SNRNP70: variants seen among roughly 807,000 people sequenced by gnomAD.
SNRNP70 encodes U1 small nuclear ribonucleoprotein 70 kDa.
In SNRNP70, 8 loss-of-function variants were observed where a neutral mutation model predicts 50.5. That is an observed-to-expected ratio of 0.16 (90% CI 0.09 to 0.29). The LOEUF (loss-of-function observed/expected upper bound fraction) is 0.29. Ranked by LOEUF, SNRNP70 falls within the 10% of genes least tolerant of loss-of-function variation. The pLI, the probability that SNRNP70 is intolerant of heterozygous loss-of-function variation, is 1.00. For synonymous variants in SNRNP70, 320 were observed against 252.9 expected (o/e 1.27, Z -2.52); for missense variants, 529 against 663.5 (o/e 0.80, Z 2.23).
intron 6 of SNRNP70, among the ~76,000 whole-genome samples, chr19:49,100,529 A>T (rs1475866635): frequency 1.3e-5 from 2 of 152,106 alleles, no homozygotes; most frequent in African/African-American, 4.8e-5. Flanking sequence ...GTCCTTGGCC[A>T]GGCACAGTGG....
Position 49,108,296 on chromosome 19 carries a change from G to C in SNRNP70, c.1167G>C (p.Arg389Ser), listed in dbSNP as rs754209229. 1.3e-6 allele frequency: 2 copies of C among 1,578,784 alleles called. No individual in the cohort carries two copies. The highest frequency in any genetic ancestry group is 1.7e-6 in the Non-Finnish European group (2 of 1,163,592). Residue 389 changes from arginine (R) to serine (S), a missense_variant, in exon 10 of 10, where the codon AGG (arginine) becomes AGC (serine). Physicochemically the swap from Arg to Ser is moderately radical, Grantham distance 110. Coordinates refer to ENST00000598441, the MANE Select transcript of SNRNP70 (RefSeq NM_003089.6). ...GGGAGCGGGGCAGTGAGCGGGGCAG[G>C]GATGAGGCCCGAGGTGGGGGCGGTG... ...KRGERGSERGRDEARGGGGGQ... is the reference protein window; with the variant it reads ...KRGERGSERGSDEARGGGGGQ...
At position 49,090,085 on chromosome 19, in the gene SNRNP70, A is replaced by G. The variant is rs557736504; in HGVS notation, c.148-206A>G. On this transcript the variant is annotated intron_variant, in intron 2 of 9. Transcript: ENST00000598441. ...GTCATCATCCCAAAGTGCTGCGATT[A>G]CAAGTGGAAGCCACTGTGCGTGGCT... 6.6e-5 allele frequency among the ~76,000 whole-genome samples: 10 copies of G among 151,914 alleles called. No homozygotes were observed. The South Asian group carries it at 1.9e-3, about 28-fold the overall frequency.
Position 49,098,495 on chromosome 19 carries a change from A to G in SNRNP70, c.330+4A>G. The G allele has an allele frequency of 1.2e-6, 2 of 1,613,556 alleles. No homozygotes were observed. The highest frequency in any genetic ancestry group is 2.2e-5 in the South Asian group (2 of 91,026). On this transcript the variant is annotated splice_donor_region_variant and intron_variant, in intron 5 of 9. Coordinates refer to ENST00000598441, the MANE Select transcript of SNRNP70 (RefSeq NM_003089.6). ...GACTCTCTTCGTGGCGAGAGTGGTA[A>G]GTCCCCAGCTCCTAGCTCCTGGAAC...
chr19:49,106,176 AC>A (rs1475401176), intron 8 of SNRNP70, among the ~76,000 whole-genome samples: 3 of 151,494 alleles, frequency 2.0e-5, no homozygotes. Flanking sequence ...TTCTTACCTT[AC>A]TCTGGTCTCT....
chr19:49,095,018 AGGGCGCTGCACGCATACGCTGGCTGTG>A (rs1333751123), intron 4 of SNRNP70, among the ~76,000 whole-genome samples: 2 of 152,266 alleles, frequency 1.3e-5, no homozygotes, highest in Non-Finnish European at 2.9e-5. Context: ...AGCTGCCGTC[AGGGCGCTGCACGCATACGCTGGCTGTG>A]GGGCGCTGCC....
intron 2 of SNRNP70, among the ~76,000 whole-genome samples, chr19:49,088,039 G>A (rs1359209243): frequency 6.6e-6 from 1 of 151,388 alleles, no homozygotes; most frequent in African/African-American, 2.4e-5. Flanking sequence ...TTACAGGCAT[G>A]CACCACCACG....
At chr19:49,090,873 G>T (rs2040439039) in intron 4 of SNRNP70, among the ~76,000 whole-genome samples, 1 of 152,088 alleles carries the variant, frequency 6.6e-6, no homozygotes. Flanking sequence ...CAACCCTTGG[G>T]CTGAGGATGT....
chr19:49,099,675 G>T (rs1038113922), intron 6 of SNRNP70, among the ~76,000 whole-genome samples: 1 of 150,478 alleles, frequency 6.6e-6, no homozygotes, highest in Non-Finnish European at 1.5e-5. Flanking sequence ...GGAGGCGGAG[G>T]TTGCAGTGAG....
chr19:49,106,117 T>G (rs1302246469), intron 8 of SNRNP70, among the ~76,000 whole-genome samples: 1 of 152,132 alleles, frequency 6.6e-6, no homozygotes, highest in Non-Finnish European at 1.5e-5. Context: ...TCGCCTGTGC[T>G]AGGGAGACCA....
intron 2 of SNRNP70, among the ~76,000 whole-genome samples, chr19:49,087,384 G>T (rs1364917305): frequency 1.3e-5 from 2 of 152,116 alleles, no homozygotes; most frequent in Non-Finnish European, 2.9e-5. Flanking sequence ...TGTTGGTGGA[G>T]AATTAAATGG....
chr19:49,096,284 T>C (rs2122344070), intron 4 of SNRNP70, among the ~76,000 whole-genome samples: 1 of 151,846 alleles, frequency 6.6e-6, no homozygotes, highest in African/African-American at 2.4e-5. Flanking sequence ...CTCAAACACC[T>C]GACCTCAGGT....
At chr19:49,091,975 A>T (rs1411904391) in intron 4 of SNRNP70, among the ~76,000 whole-genome samples, 5 of 151,962 alleles carry the variant, frequency 3.3e-5, no homozygotes, top group African/African-American at 1.2e-4. Context: ...TCTCACCAAG[A>T]CCTATTTGTG....
At position 49,101,369 on chromosome 19, in the gene SNRNP70, CT is replaced by C. The variant is rs2040583531; in HGVS notation, c.394-20del. On this transcript the variant is annotated intron_variant, in intron 6 of 9. Coordinates refer to ENST00000598441, the MANE Select transcript of SNRNP70 (RefSeq NM_003089.6). ...AGCCGCCCTGTGGCAGGACTCACCC[CT>C]GTCCCCATGTGCCCCACAGATACAC... is the stretch of plus-strand genomic sequence containing the variant. 1.9e-6 allele frequency: 3 copies of C among 1,604,192 alleles called. No individual in the cohort carries two copies. The highest frequency in any genetic ancestry group is 2.2e-5 in the East Asian group (1 of 44,818).
Position 49,101,474 on chromosome 19 carries a change from G to A in SNRNP70, c.475+3G>A, listed in dbSNP as rs763398094. The A allele has an allele frequency of 1.1e-5, 17 of 1,610,852 alleles. No homozygotes were observed. In the Admixed American group the frequency reaches 1.8e-4, roughly 17 times the overall value. On this transcript the variant is annotated splice_donor_region_variant and intron_variant, in intron 7 of 9. Coordinates refer to ENST00000598441, the MANE Select transcript of SNRNP70 (RefSeq NM_003089.6). Reference sequence around the variant, plus strand: ...CGAACACGAGCGAGACATGCACTGTGAGTACCTCCCGCCGAGCCCTGCCCT... The same window carrying A: ...CGAACACGAGCGAGACATGCACTGTAAGTACCTCCCGCCGAGCCCTGCCCT...
At position 49,098,628 on chromosome 19, in the gene SNRNP70, C is replaced by T; in HGVS notation, c.331-14C>T. On this transcript the variant is annotated splice_polypyrimidine_tract_variant and intron_variant, in intron 5 of 9. Transcript: ENST00000598441. ...TCTGTTCTCCCATTTAACGTCATAT[C>T]CATCTCCTTGTAGAATTATGACACA... 1.2e-6 allele frequency: 2 copies of T among 1,612,494 alleles called. No individual in the cohort carries two copies.
intron 4 of SNRNP70, among the ~76,000 whole-genome samples, chr19:49,097,230 G>A (rs1270874514): frequency 1.3e-5 from 2 of 152,172 alleles, no homozygotes; most frequent in African/African-American, 2.4e-5. Context: ...AAGGAGCCTG[G>A]TAGTTCAAGT....
intron 4 of SNRNP70, among the ~76,000 whole-genome samples, chr19:49,093,428 C>T (rs1462156599): frequency 1.3e-5 from 2 of 152,084 alleles, no homozygotes; most frequent in Non-Finnish European, 2.9e-5. Context: ...CGTGGTGGCT[C>T]ACGCCTGTAA....
intron 8 of SNRNP70, among the ~76,000 whole-genome samples, chr19:49,106,520 T>TG (rs2040670993): frequency 6.6e-6 from 1 of 152,224 alleles, no homozygotes; most frequent in Non-Finnish European, 1.5e-5. Flanking sequence ...GCCCTGTGCC[T>TG]GTGACATGGC....
At position 49,104,570 on chromosome 19, in the gene SNRNP70, C is replaced by T. The variant is rs757296675; in HGVS notation, c.476-64C>T. ...GGGGCGGGGATTCTGTAGAGCTGGGCCTGTCCTGACTAGAGGACCCTCTGG... is the reference window on the plus strand; with the variant it reads ...GGGGCGGGGATTCTGTAGAGCTGGGTCTGTCCTGACTAGAGGACCCTCTGG... On this transcript the variant is annotated intron_variant, in intron 7 of 9. Transcript: ENST00000598441. This position sits in a 1 kb window ranked among gnomAD's most constrained non-coding sequence, Gnocchi z 5.4. 1.6e-6 allele frequency: 2 copies of T among 1,241,884 alleles called. No homozygotes were observed. Among genetic ancestry groups the T allele is most frequent in the Non-Finnish European group, 2.3e-6 (2 of 866,946 alleles). The allele number at this position is 1,241,884 out of a possible 1,614,324, so 76.9% of individuals were successfully genotyped here.
Sources: gnomAD v4.1 joint callset for allele counts (sites outside exome capture counted in the v4.1 genomes callset) on GRCh38, gnomAD v4.1.1 for gene constraint, Gnocchi (gnomAD v3.1) non-coding constraint, MANE v1.5 for transcripts, NCBI Gene and HGNC (gene_info 2026-07-23, HGNC 2026-07-21) for gene names.